Variants in TOPAZ1 observed in about 807,000 individuals in gnomAD.
TOPAZ1 encodes the protein protein TOPAZ1.
TOPAZ1 carries 66 observed loss-of-function variants against 172.2 expected under a neutral mutation model. The ratio of observed to expected loss-of-function variants is 0.38; its 90% confidence interval spans 0.31 to 0.47. The LOEUF is 0.47. TOPAZ1 is among the 20% of genes least tolerant of loss of function. TOPAZ1 has a pLI of 0.99. For synonymous variants in TOPAZ1, 681 were observed against 683.9 expected (o/e 1.00, Z 0.07); for missense variants, 1,822 against 1,972.4 (o/e 0.92, Z 1.44).
chr3:44,267,776 A>G (rs12631341), intron 6 of TOPAZ1, among the ~76,000 whole-genome samples: 70,112 of 152,010 alleles, frequency 0.46, 17,403 homozygotes, highest in East Asian at 0.81. Context: ...ACATTAAAGG[A>G]TGAATTTAGA....
In TOPAZ1 at chr3:44,321,086, C is replaced by T; in HGVS notation, c.4366C>T (p.Arg1456Ter). 1.3e-6 allele frequency: 2 copies of T among 1,550,262 alleles called. No individual in the cohort carries two copies. The highest frequency in any genetic ancestry group is 1.2e-5 in the South Asian group (1 of 83,886). ...TTGTGATAGACTGGATGTGCTTAATCGACATAATTTACTCTGTACAATTGC... is the reference window on the plus strand; with the variant it reads ...TTGTGATAGACTGGATGTGCTTAATTGACATAATTTACTCTGTACAATTGC... ...WPCDRLDVLN[R>*]HNLLCTIAHE... Residue 1456 changes from arginine (R) to a stop codon, truncating the protein, a stop_gained, in exon 17 of 20, where the codon CGA becomes TGA. Transcript: ENST00000309765. LOFTEE classifies it high-confidence loss of function.
At chr3:44,313,435 C>A (rs1456301590) in intron 16 of TOPAZ1, among the ~76,000 whole-genome samples, 1 of 151,646 alleles carries the variant, frequency 6.6e-6, no homozygotes, top group Non-Finnish European at 1.5e-5. Flanking sequence ...CATAGTGAAA[C>A]CCCATCTCTA....
At chr3:44,279,681 A>G (rs1049278542) in intron 8 of TOPAZ1, among the ~76,000 whole-genome samples, 15 of 151,760 alleles carry the variant, frequency 9.9e-5, no homozygotes, top group African/African-American at 3.4e-4. Context: ...CCATCCCTTT[A>G]CTTTCAATCT....
intron 2 of TOPAZ1, among the ~76,000 whole-genome samples, chr3:44,253,671 G>T (rs1415227406): frequency 6.6e-6 from 1 of 152,178 alleles, no homozygotes; most frequent in Non-Finnish European, 1.5e-5. Context: ...GTTAGAGAAA[G>T]ATGTGCATTT....
intron 14 of TOPAZ1, 99 bp from the exon 15 acceptor site, chr3:44,306,227 T>C: frequency 1.4e-6 from 1 of 714,500 alleles, no homozygotes; most frequent in Non-Finnish European, 2.4e-6. Context: ...TGCCAACACC[T>C]GGTCTTTATG....
Position 44,244,800 on chromosome 3 carries a change from A to G in TOPAZ1, c.2294A>G (p.Lys765Arg). ...AGTTCTGACTCATTCTACAATAAGA[A>G]ATCCTATAGTATTTCTCCAAGCTTT... ...QASSDSFYNK[K>R]SYSISPSFTK... Residue 765 changes from lysine (K) to arginine (R), a missense_variant, in exon 2 of 20, where the codon AAA becomes AGA. Physicochemically the swap from Lys to Arg is conservative, Grantham distance 26 (BLOSUM62 2). This residue lies in a region of TOPAZ1 where 1,489 missense variants were observed against 1,490.8 expected (regional missense o/e 1.00). Transcript: ENST00000309765. 6.4e-7 allele frequency: 1 copy of G among 1,551,610 alleles called. No homozygotes were observed. The highest frequency in any genetic ancestry group is 8.7e-7 in the Non-Finnish European group (1 of 1,146,976).
At position 44,243,071 on chromosome 3, in the gene TOPAZ1, G is replaced by A; in HGVS notation, c.565G>A (p.Glu189Lys). The A allele has an allele frequency of 1.3e-6, 2 of 1,545,448 alleles. No homozygotes were observed. Among genetic ancestry groups the A allele is most frequent in the Non-Finnish European group, 1.7e-6 (2 of 1,145,510 alleles). The change falls in exon 2 of 20, where the codon GAG becomes AAG. Residue 189 changes from glutamate to lysine, a missense_variant. Around this residue, in one of 2 missense-constraint regions of TOPAZ1, gnomAD observed 1,489 missense variants for 1,490.8 expected, o/e 1.00. Coordinates refer to ENST00000309765, the MANE Select transcript of TOPAZ1 (RefSeq NM_001145030.2). ...ENPPLKITENEATQNIKVEFQ... is the reference protein window; with the variant it reads ...ENPPLKITENKATQNIKVEFQ... ...CCCACCTCTCAAAATAACCGAAAAT[G>A]AGGCTACACAAAATATTAAGGTTGA...
chr3:44,252,933 TAGG>T (rs1352222826), intron 2 of TOPAZ1, among the ~76,000 whole-genome samples: 6 of 152,142 alleles, frequency 3.9e-5, no homozygotes, highest in East Asian at 1.9e-4. Context: ...CATAAAATGA[TAGG>T]AGAAGTGCAA....
At chr3:44,275,480 C>T (rs1169175545) in intron 8 of TOPAZ1, among the ~76,000 whole-genome samples, 1 of 152,092 alleles carries the variant, frequency 6.6e-6, no homozygotes, top group Non-Finnish European at 1.5e-5. Flanking sequence ...CTTGTTACCA[C>T]TTAACATACT....
chr3:44,253,325 C>T (rs1699657214), intron 2 of TOPAZ1, among the ~76,000 whole-genome samples: 2 of 152,190 alleles, frequency 1.3e-5, no homozygotes, highest in African/African-American at 4.8e-5. Flanking sequence ...ATCACATTTA[C>T]TTTTAAAAAT....
chr3:44,244,359 T>C lies in TOPAZ1; in HGVS notation c.1853T>C (p.Leu618Ser). Reference protein sequence around the residue: ...VISNTTEDTQLTSETQSLTGN... With the variant: ...VISNTTEDTQSTSETQSLTGN... ...TCTAACACTACTGAAGATACTCAAT[T>C]AACCAGTGAGACTCAAAGCTTAACG... Residue 618 changes from leucine to serine, a missense_variant, in exon 2 of 20, where the codon TTA becomes TCA. Physicochemically the swap from Leu to Ser is moderately radical, Grantham distance 145. This residue lies in a region of TOPAZ1 where 1,489 missense variants were observed against 1,490.8 expected (regional missense o/e 1.00). Transcript: ENST00000309765. The C allele has an allele frequency of 1.3e-6, 2 of 1,550,700 alleles. No homozygotes were observed. Among genetic ancestry groups the C allele is most frequent in the Non-Finnish European group, 8.7e-7 (1 of 1,146,700 alleles).
At chr3:44,288,102 T>A (rs1450164558) in intron 11 of TOPAZ1, among the ~76,000 whole-genome samples, 1 of 152,156 alleles carries the variant, frequency 6.6e-6, no homozygotes, top group African/African-American at 2.4e-5. Flanking sequence ...TCCGTAAGGA[T>A]GATTAAATAA....
At chr3:44,322,706 G>A (rs1161694265) in intron 17 of TOPAZ1, among the ~76,000 whole-genome samples, 1 of 152,086 alleles carries the variant, frequency 6.6e-6, no homozygotes, top group African/African-American at 2.4e-5. Flanking sequence ...GGCCATAGAT[G>A]AGCCCAGGAA....
In TOPAZ1 at chr3:44,332,025, C is replaced by CTTTT; in HGVS notation, c.*26_*29dup. On this transcript the variant is annotated 3_prime_UTR_variant, in exon 20 of 20. Transcript: ENST00000309765. ...AGTAACCATTAGCTAATAAAGTCTG[C>CTTTT]TTTTTTTTTTTTTTTAGTTCAAGTA... is the stretch of plus-strand genomic sequence containing the variant. 6 of 1,329,744 alleles carry CTTTT rather than the reference C, an allele frequency of 4.5e-6. No homozygotes were observed. Among genetic ancestry groups the CTTTT allele is most frequent in the South Asian group, 2.9e-5 (2 of 69,604 alleles). The allele number at this position is 1,329,744 out of a possible 1,614,324, so 82.4% of individuals were successfully genotyped here. A position where few individuals can be genotyped will look rare whatever the true frequency, so the allele number is the denominator to read the frequency against.
At chr3:44,279,598 A>C (rs1404116226) in intron 8 of TOPAZ1, among the ~76,000 whole-genome samples, 1 of 152,006 alleles carries the variant, frequency 6.6e-6, no homozygotes, top group Non-Finnish European at 1.5e-5. Context: ...TTTTTTACTT[A>C]AAGTCTGTTT....
At chr3:44,263,041 T>A (rs920824125) in intron 5 of TOPAZ1, among the ~76,000 whole-genome samples, 6 of 152,186 alleles carry the variant, frequency 3.9e-5, no homozygotes, top group African/African-American at 1.2e-4. Context: ...CATCATCATG[T>A]AGGAACTTGT....
At chr3:44,309,287 A>G (rs1052953835) in intron 15 of TOPAZ1, among the ~76,000 whole-genome samples, 158 of 152,238 alleles carry the variant, frequency 1.0e-3, no homozygotes, top group African/African-American at 3.5e-3. Context: ...TTCTTTGTCT[A>G]AATTTTTTGG....
rs2125675856 is a variant in TOPAZ1 at position 44,244,833 on chromosome 3, A to C, written c.2327A>C (p.Gln776Pro). Residue 776 changes from glutamine (Q) to proline (P), a missense_variant, in exon 2 of 20, where the codon CAA (glutamine) becomes CCA (proline). Physicochemically the swap from Gln to Pro is moderately conservative, Grantham distance 76 (BLOSUM62 -1). This residue lies in a region of TOPAZ1 where 1,489 missense variants were observed against 1,490.8 expected (regional missense o/e 1.00). Coordinates refer to ENST00000309765, the MANE Select transcript of TOPAZ1 (RefSeq NM_001145030.2). ...AGTATTTCTCCAAGCTTTACAAAGCAAGGTAACAATAGCAAACCATCTAAT... is the reference window on the plus strand; with the variant it reads ...AGTATTTCTCCAAGCTTTACAAAGCCAGGTAACAATAGCAAACCATCTAAT... ...SYSISPSFTK[Q>P]GNNSKPSNHV... is the part of the protein sequence containing the mutation. 1 of 1,551,746 alleles carries C rather than the reference A, an allele frequency of 6.4e-7. No individual in the cohort carries two copies. Among genetic ancestry groups the C allele is most frequent in the East Asian group, 2.4e-5 (1 of 40,906 alleles).
chr3:44,265,385 C>T (rs889785574), intron 5 of TOPAZ1, among the ~76,000 whole-genome samples: 1 of 152,106 alleles, frequency 6.6e-6, no homozygotes, highest in African/African-American at 2.4e-5. Context: ...GGTGAAACCC[C>T]ACCTCTACTA....
Sources: allele counts gnomAD v4.1 joint callset (sites outside exome capture counted in the v4.1 genomes callset), GRCh38; gene constraint gnomAD v4.1.1; regional missense constraint gnomAD v4.1.1; transcripts MANE v1.5; gene names NCBI Gene and HGNC (gene_info 2026-07-23, HGNC 2026-07-21).